The following FAM240C variants were observed in gnomAD, a reference collection of about 807,000 sequenced individuals.
The protein encoded by FAM240C is protein FAM240C.
A neutral mutation model predicts 10.0 loss-of-function variants in FAM240C; 14 were observed. The ratio of observed to expected loss-of-function variants is 1.40; its 90% confidence interval spans 0.92 to 2.19. The LOEUF (loss-of-function observed/expected upper bound fraction) is 2.19. FAM240C is among the 30% of genes most tolerant of loss of function. FAM240C has a pLI of 0.00. For missense variants in FAM240C, 154 were observed against 122.3 expected (o/e 1.26, Z -1.22); for synonymous variants, 49 against 44.3 (o/e 1.11, Z -0.42).
chr2:241,898,879 G>A (rs1701913642), intron 1 of FAM240C, among the ~76,000 whole-genome samples: 1 of 152,258 alleles, frequency 6.6e-6, no homozygotes, highest in South Asian at 2.1e-4. Context: ...CTAAGCCGCT[G>A]TCCGGCCAGC....
chr2:241,901,479 GT>G (rs147313921), upstream of FAM240C, among the ~76,000 whole-genome samples: 9 of 151,568 alleles, frequency 5.9e-5, no homozygotes, highest in Non-Finnish European at 1.2e-4. This position sits in a 1 kb window ranked among gnomAD's most constrained non-coding sequence, Gnocchi z 4.9. Context: ...CTTCACAGTT[GT>G]TTTTTTTTAA....
upstream of FAM240C, among the ~76,000 whole-genome samples, chr2:241,901,885 AACCAACCAGCAATCACAAC>A (rs1456725023): frequency 6.6e-6 from 1 of 152,082 alleles, no homozygotes; most frequent in East Asian, 1.9e-4. This position sits in a 1 kb window ranked among gnomAD's most constrained non-coding sequence, Gnocchi z 4.9. Flanking sequence ...CGAGAGGCCA[AACCAACCAGCAATCACAAC>A]ACCGGCCTAC....
chr2:241,901,141 CG>C (rs1279385493), upstream of FAM240C, among the ~76,000 whole-genome samples: 3 of 152,298 alleles, frequency 2.0e-5, no homozygotes, highest in East Asian at 5.8e-4. This position sits in a 1 kb window ranked among gnomAD's most constrained non-coding sequence, Gnocchi z 4.9. Context: ...GCCCAGCACA[CG>C]GGGGTCACCG....
chr2:241,894,268 T>G lies in FAM240C; in HGVS notation c.233A>C (p.Asp78Ala), dbSNP rs527845717. The change falls in exon 3 of 3, where the codon GAC becomes GCC. Residue 78 changes from aspartate (D) to alanine (A), a missense_variant. Physicochemically the swap from Asp to Ala is moderately radical, Grantham distance 126 (BLOSUM62 -2). Coordinates refer to ENST00000404031, the MANE Select transcript of FAM240C (RefSeq NM_001382368.1). ...GGACTCAGTGGCCTCCGGGACCCTG[T>G]CTGGGCATCTCCCTGGGCCCTGCAG... The part of the protein sequence containing the change: ...KMLQGPGRCP[D>A]RVPEATESLH... 1.3e-6 allele frequency: 2 copies of G among 1,549,892 alleles called. No homozygotes were observed. The highest frequency in any genetic ancestry group is 1.7e-6 in the Non-Finnish European group (2 of 1,146,832).
In FAM240C at chr2:241,894,284, G is replaced by T; in HGVS notation, c.217C>A (p.Pro73Thr). 6.5e-7 allele frequency: 1 copy of T among 1,549,772 alleles called. No homozygotes were observed. The highest frequency in any genetic ancestry group is 8.7e-7 in the Non-Finnish European group (1 of 1,146,750). ...LEGRNKMLQGPGRCPDRVPEA... is the reference protein window; with the variant it reads ...LEGRNKMLQGTGRCPDRVPEA... Reference sequence around the variant, plus strand: ...GGGACCCTGTCTGGGCATCTCCCTGGGCCCTGCAGCATCTTGTTCCTCCCC... The same window carrying T: ...GGGACCCTGTCTGGGCATCTCCCTGTGCCCTGCAGCATCTTGTTCCTCCCC... Residue 73 changes from proline (P) to threonine (T), a missense_variant, in exon 3 of 3, where the codon CCA becomes ACA. Pro to Thr is a conservative substitution (Grantham distance 38). Transcript: ENST00000404031.
Position 241,894,096 on chromosome 2 carries a change from G to A in FAM240C, c.*117C>T. 8.1e-7 allele frequency: 1 copy of A among 1,230,948 alleles called. No individual in the cohort carries two copies. Among genetic ancestry groups the A allele is most frequent in the African/African-American group, 1.5e-5 (1 of 66,438 alleles). 76.3% of individuals were successfully genotyped at this position (1,230,948 alleles called of 1,614,324 possible). On this transcript the variant is annotated 3_prime_UTR_variant, in exon 3 of 3. Coordinates refer to ENST00000404031, the MANE Select transcript of FAM240C (RefSeq NM_001382368.1). ...ATTATTACGGGGTCAGCGAGGTGCGGGCCATTTCCATGATGAAGATCCTGT... is the reference window on the plus strand; with the variant it reads ...ATTATTACGGGGTCAGCGAGGTGCGAGCCATTTCCATGATGAAGATCCTGT...
chr2:241,895,849 TGGCACATGCA>T (rs1701783357), intron 2 of FAM240C, among the ~76,000 whole-genome samples: 1 of 151,054 alleles, frequency 6.6e-6, no homozygotes, highest in Non-Finnish European at 1.5e-5. Flanking sequence ...CCAGGGCACA[TGGCACATGCA>T]GGCACACGCA....
chr2:241,896,367 G>A (rs1701803265), intron 2 of FAM240C, among the ~76,000 whole-genome samples: 1 of 152,132 alleles, frequency 6.6e-6, no homozygotes, highest in East Asian at 1.9e-4. Flanking sequence ...AGGAGGAAGG[G>A]CACAAGTACA....
At chr2:241,901,670 C>T (rs1395753291), upstream of FAM240C, among the ~76,000 whole-genome samples, 1 of 152,118 alleles carries the variant, frequency 6.6e-6, no homozygotes, top group Non-Finnish European at 1.5e-5. This position sits in a 1 kb window ranked among gnomAD's most constrained non-coding sequence, Gnocchi z 4.9. Flanking sequence ...GCTCAGGCAG[C>T]GCGGGTGGAA....
chr2:241,897,874 A>G (rs1701891269), intron 1 of FAM240C, among the ~76,000 whole-genome samples: 1 of 152,176 alleles, frequency 6.6e-6, no homozygotes, highest in Admixed American at 6.5e-5. Flanking sequence ...AGCTGGGACT[A>G]TAGGTGTGCA....
intron 1 of FAM240C, chr2:241,899,004 G>A (rs981840880): frequency 1.9e-5 from 14 of 751,802 alleles, no homozygotes; most frequent in East Asian, 1.3e-4. Context: ...CTCTTTCCCC[G>A]CCCCCCACTC....
chr2:241,894,926 CG>C (rs1294463682), intron 2 of FAM240C, among the ~76,000 whole-genome samples: 3 of 152,234 alleles, frequency 2.0e-5, no homozygotes, highest in African/African-American at 7.2e-5. Flanking sequence ...GCGGACCTGG[CG>C]GCAGGAATGG....
In FAM240C at chr2:241,900,330, A is replaced by G. The variant is rs1701953943; in HGVS notation, c.12+28T>C. ...CAGCGCCAATCTCTCAAGCAAGGAC[A>G]GCGCCTGTCACATCACAGAGAGCTT... On this transcript the variant is annotated intron_variant, in intron 1 of 2. Coordinates refer to ENST00000404031, the MANE Select transcript of FAM240C (RefSeq NM_001382368.1). The surrounding 1 kb of genome is among the most constrained non-coding windows in gnomAD (Gnocchi z 4.5). The G allele has an allele frequency of 1.4e-6, 1 of 717,242 alleles. No individual in the cohort carries two copies. Among genetic ancestry groups the G allele is most frequent in the African/African-American group, 1.7e-5 (1 of 57,386 alleles). 44.4% of individuals were successfully genotyped at this position (717,242 alleles called of 1,614,324 possible). A position where few individuals can be genotyped will look rare whatever the true frequency, so the allele number is the denominator to read the frequency against.
Position 241,900,167 on chromosome 2 carries a change from A to T in FAM240C, c.12+191T>A, listed in dbSNP as rs1701949623. Among the ~76,000 whole-genome samples, 1 of 152,224 alleles carries T rather than the reference A, an allele frequency of 6.6e-6. No homozygotes were observed. Among genetic ancestry groups the T allele is most frequent in the Admixed American group, 6.5e-5 (1 of 15,288 alleles). On this transcript the variant is annotated intron_variant, in intron 1 of 2. Coordinates refer to ENST00000404031, the MANE Select transcript of FAM240C (RefSeq NM_001382368.1). This position sits in a 1 kb window ranked among gnomAD's most constrained non-coding sequence, Gnocchi z 4.5. Reference sequence around the variant, plus strand: ...CAGGTGATGGAGACACTCTCCCCCCACCAAAGGTGTTGACAGCAGGAATCC... The same window carrying T: ...CAGGTGATGGAGACACTCTCCCCCCTCCAAAGGTGTTGACAGCAGGAATCC...
At chr2:241,894,477 C>T in intron 2 of FAM240C, 138 bp from the exon 3 acceptor site, 2 of 955,396 alleles carry the variant, frequency 2.1e-6, no homozygotes, top group Admixed American at 2.7e-5. Flanking sequence ...GGTGTCACCG[C>T]ATCCCTGCCC....
At chr2:241,899,512 G>A (rs930927194) in intron 1 of FAM240C, among the ~76,000 whole-genome samples, 6 of 152,216 alleles carry the variant, frequency 3.9e-5, no homozygotes, top group Admixed American at 6.5e-5. Context: ...CTGCTTCCCC[G>A]GAACTTCGCA....
chr2:241,895,124 G>A (rs370909343), intron 2 of FAM240C, among the ~76,000 whole-genome samples: 3 of 152,262 alleles, frequency 2.0e-5, no homozygotes, highest in African/African-American at 4.8e-5. Context: ...CCCAGATGAC[G>A]ATGGTGCTGC....
At chr2:241,901,252 C>T (rs1428006012), upstream of FAM240C, among the ~76,000 whole-genome samples, 1 of 152,170 alleles carries the variant, frequency 6.6e-6, no homozygotes, top group African/African-American at 2.4e-5. The surrounding 1 kb of genome is among the most constrained non-coding windows in gnomAD (Gnocchi z 4.9). Context: ...CAGGCTTTGT[C>T]CTGGACGGGG....
At position 241,894,583 on chromosome 2, in the gene FAM240C, G is replaced by C. The variant is rs1394764706; in HGVS notation, c.162-244C>G. Among the ~76,000 whole-genome samples, 7 of 145,568 alleles carry C rather than the reference G, an allele frequency of 4.8e-5. 2 individuals carry two copies. On this transcript the variant is annotated intron_variant, in intron 2 of 2. Coordinates refer to ENST00000404031, the MANE Select transcript of FAM240C (RefSeq NM_001382368.1). ...CTGACCAGTGGTTGGTGGGGGGGGG[G>C]GGGGGCGTCTCACTCAGGACCCTCC... is the stretch of plus-strand genomic sequence containing the variant.
Sources: allele counts gnomAD v4.1 joint callset (sites outside exome capture counted in the v4.1 genomes callset), GRCh38; gene constraint gnomAD v4.1.1; non-coding constraint Gnocchi (gnomAD v3.1); transcripts MANE v1.5; gene names NCBI Gene and HGNC (gene_info 2026-07-23, HGNC 2026-07-21).